RBL2: variants seen among roughly 807,000 people sequenced by gnomAD.
RBL2 encodes the protein retinoblastoma-like protein 2.
A neutral mutation model predicts 126.0 loss-of-function variants in RBL2; 56 were observed. The ratio of observed to expected loss-of-function variants is 0.44; its 90% confidence interval spans 0.36 to 0.56. The LOEUF (loss-of-function observed/expected upper bound fraction) is 0.56, where lower values mean the gene tolerates loss of function less well. RBL2 is among the 20% of genes least tolerant of loss of function. RBL2 has a pLI of 0.00. For missense variants in RBL2, 1,229 were observed against 1,398.2 expected (o/e 0.88, Z 1.93); for synonymous variants, 454 against 478.5 (o/e 0.95, Z 0.67).
At chr16:53,438,907 T>G in intron 1 of RBL2, 109 bp from the exon 2 acceptor site, 1 of 668,328 alleles carries the variant, frequency 1.5e-6, no homozygotes. Flanking sequence ...TGAAACTAAG[T>G]TTCCCACAAA....
intron 7 of RBL2, 163 bp from the exon 8 acceptor site, chr16:53,454,493 G>C: frequency 1.6e-6 from 1 of 631,996 alleles, no homozygotes; most frequent in Non-Finnish European, 2.7e-6. Context: ...GGGAGCTACT[G>C]CACCCAGCTA....
Position 53,434,584 on chromosome 16 carries a change from C to T in RBL2, c.28C>T (p.Pro10Ser). 6.5e-7 allele frequency: 1 copy of T among 1,536,698 alleles called. No individual in the cohort carries two copies. The highest frequency in any genetic ancestry group is 1.4e-5 in the African/African-American group (1 of 71,320). The part of the protein sequence containing the change: MPSGGDQSP[P>S]PPPPPPAAAA... Reference sequence around the variant, plus strand: ...GCCGTCGGGAGGTGACCAGTCGCCACCGCCCCCGCCTCCCCCTCCGGCGGC... The same window carrying T: ...GCCGTCGGGAGGTGACCAGTCGCCATCGCCCCCGCCTCCCCCTCCGGCGGC... Residue 10 changes from proline to serine, a missense_variant, in exon 1 of 22, where the codon CCG becomes TCG. By Grantham distance (74) the Pro-to-Ser change is moderately conservative. This residue lies in a region of RBL2 where 159 missense variants were observed against 123.9 expected (regional missense o/e 1.28). Coordinates refer to ENST00000262133, the MANE Select transcript of RBL2 (RefSeq NM_005611.4).
At chr16:53,459,884 A>G (rs994932586) in intron 9 of RBL2, among the ~76,000 whole-genome samples, 8 of 146,430 alleles carry the variant, frequency 5.5e-5, no homozygotes, top group East Asian at 2.0e-4. Context: ...CTTATTGCCA[A>G]CTGTTCTTTC....
chr16:53,462,538 T>A lies in RBL2; in HGVS notation c.1457-14T>A, dbSNP rs2058232082. ...GCCATTTTTGTGGGGTTTTTTTTTT[T>A]ATTATTTCTACAGAAATTGCCAGCA... is the stretch of plus-strand genomic sequence containing the variant. On this transcript the variant is annotated splice_polypyrimidine_tract_variant and intron_variant, in intron 10 of 21. Coordinates refer to ENST00000262133, the MANE Select transcript of RBL2 (RefSeq NM_005611.4). 2 of 1,443,900 alleles carry A rather than the reference T, an allele frequency of 1.4e-6. No individual in the cohort carries two copies. Among genetic ancestry groups the A allele is most frequent in the African/African-American group, 1.5e-5 (1 of 67,614 alleles). 89.4% of individuals were successfully genotyped at this position (1,443,900 alleles called of 1,614,324 possible).
At position 53,434,484 on chromosome 16, in the gene RBL2, G is replaced by A; in HGVS notation, c.-73G>A. The A allele has an allele frequency of 7.7e-7, 1 of 1,306,926 alleles. No individual in the cohort carries two copies. Among genetic ancestry groups the A allele is most frequent in the Non-Finnish European group, 9.7e-7 (1 of 1,026,582 alleles). 81.0% of individuals were successfully genotyped at this position (1,306,926 alleles called of 1,614,324 possible). On this transcript the variant is annotated 5_prime_UTR_variant, in exon 1 of 22. Transcript: ENST00000262133. The stretch of plus-strand genomic sequence containing the variant: ...CGCGGTGCGGGCGGCGGACGGGCGG[G>A]CGCTTCGCCGTTTGAATGGCTGCGG...
chr16:53,460,673 A>T (rs1025131638), intron 9 of RBL2, among the ~76,000 whole-genome samples: 7 of 152,190 alleles, frequency 4.6e-5, no homozygotes, highest in African/African-American at 1.7e-4. Flanking sequence ...AGGTAAAATA[A>T]AGGGTGCTAT....
intron 8 of RBL2, among the ~76,000 whole-genome samples, chr16:53,457,496 T>A (rs2058181206): frequency 6.6e-6 from 1 of 151,812 alleles, no homozygotes; most frequent in Non-Finnish European, 1.5e-5. Context: ...CCTGACCTCA[T>A]GATCTTCCCG....
chr16:53,445,005 G>A (rs2058048862), intron 3 of RBL2, among the ~76,000 whole-genome samples: 1 of 151,932 alleles, frequency 6.6e-6, no homozygotes, highest in Admixed American at 6.6e-5. Flanking sequence ...TATTTCTTAG[G>A]ATATATATAC....
intron 21 of RBL2, chr16:53,487,998 TG>T (rs1961241873): frequency 6.6e-6 from 1 of 152,376 alleles, no homozygotes; most frequent in South Asian, 2.1e-4. Context: ...ATCGCCACTG[TG>T]GAAAGTTGTT....
intron 7 of RBL2, chr16:53,454,444 C>T (rs1266872042): frequency 4.1e-6 from 2 of 490,564 alleles, no homozygotes; most frequent in Non-Finnish European, 7.4e-6. Context: ...ACTTCGTGAT[C>T]CACCTGCCTC....
chr16:53,473,632 TTTTA>T (rs1486576401), intron 17 of RBL2, among the ~76,000 whole-genome samples: 4 of 152,050 alleles, frequency 2.6e-5, no homozygotes, highest in Non-Finnish European at 5.9e-5. Flanking sequence ...ACTGGATGCC[TTTTA>T]TTTCTTTTTC....
At chr16:53,441,843 A>G (rs534399235) in intron 2 of RBL2, among the ~76,000 whole-genome samples, 4 of 152,076 alleles carry the variant, frequency 2.6e-5, no homozygotes, top group African/African-American at 9.6e-5. Flanking sequence ...CTTTTTTGAG[A>G]CAGAGTCTCG....
intron 2 of RBL2, among the ~76,000 whole-genome samples, chr16:53,440,239 T>A (rs889222534): frequency 6.6e-6 from 1 of 150,780 alleles, no homozygotes; most frequent in Non-Finnish European, 1.5e-5. Flanking sequence ...GAGGTTGCAG[T>A]GAGCACTATT....
intron 12 of RBL2, 101 bp downstream of exon 12, chr16:53,464,464 G>T: frequency 9.7e-7 from 1 of 1,031,270 alleles, no homozygotes; most frequent in Non-Finnish European, 1.4e-6. Flanking sequence ...CATTTATTCT[G>T]TTTTTATTTA....
chr16:53,479,947 G>A lies in RBL2; in HGVS notation c.2837G>A (p.Ser946Asn). 2 of 1,612,144 alleles carry A rather than the reference G, an allele frequency of 1.2e-6. No individual in the cohort carries two copies. The highest frequency in any genetic ancestry group is 1.7e-6 in the Non-Finnish European group (2 of 1,178,672). The stretch of plus-strand genomic sequence containing the variant: ...AGAAGAAATTCTGGCAGCAGTGATA[G>A]CAGAAGCCATCAGAATTCTCCAACA... ...RKRRNSGSSD[S>N]RSHQNSPTEL... is the part of the protein sequence containing the mutation. Residue 946 changes from serine to asparagine, a missense_variant, in exon 19 of 22, where the codon AGC (serine) becomes AAC (asparagine). Physicochemically the swap from Ser to Asn is conservative, Grantham distance 46. Coordinates refer to ENST00000262133, the MANE Select transcript of RBL2 (RefSeq NM_005611.4).
intron 4 of RBL2, among the ~76,000 whole-genome samples, chr16:53,450,909 C>T (rs1248930481): frequency 6.6e-6 from 1 of 151,838 alleles, no homozygotes; most frequent in Non-Finnish European, 1.5e-5. Context: ...TGCCACTGCA[C>T]TCCAGCCTGG....
chr16:53,434,622 TGAG>T lies in RBL2; in HGVS notation c.78_80del (p.Glu26del), dbSNP rs761141444. On this transcript the variant is annotated inframe_deletion, in exon 1 of 22. Transcript: ENST00000262133. ...CCCCTCCGGCGGCGGCAGCCTCGGA[TGAG>T]GAGGAGGAGGACGACGGCGAGGCGG... 1.5e-5 allele frequency: 23 copies of T among 1,557,948 alleles called. No homozygotes were observed. Among genetic ancestry groups the T allele is most frequent in the South Asian group, 5.8e-5 (5 of 85,706 alleles).
At chr16:53,479,437 GC>G in intron 18 of RBL2, 1 of 547,112 alleles carries the variant, frequency 1.8e-6, no homozygotes, top group Non-Finnish European at 3.2e-6. Context: ...ATATTTGATT[GC>G]CTTCTTAATT....
chr16:53,454,230 A>G, intron 7 of RBL2: 1 of 453,286 alleles, frequency 2.2e-6, no homozygotes, highest in East Asian at 7.0e-5. Flanking sequence ...TTTGAGATGG[A>G]GTCTCGCTGT....
Sources: gnomAD v4.1 joint callset for allele counts (sites outside exome capture counted in the v4.1 genomes callset) on GRCh38, gnomAD v4.1.1 for gene constraint, gnomAD v4.1.1 regional missense constraint, MANE v1.5 for transcripts, NCBI Gene and HGNC (gene_info 2026-07-23, HGNC 2026-07-21) for gene names.